The following GPR39 variants were observed in gnomAD, a reference collection of about 807,000 sequenced individuals.
The protein encoded by GPR39 is G protein-coupled receptor 39, also known as zinc sensing receptor.
GPR39 carries 23 observed loss-of-function variants against 18.4 expected under a neutral mutation model. The ratio of observed to expected loss-of-function variants is 1.25; its 90% CI spans 0.90 to 1.77. GPR39 has a LOEUF of 1.77. Ranked by LOEUF, GPR39 falls within the 40% of genes most tolerant of loss-of-function variation. GPR39 has a pLI of 0.00. For missense variants in GPR39, 647 were observed against 602.4 expected (o/e 1.07, Z -0.78); for synonymous variants, 280 against 257.9 (o/e 1.09, Z -0.82).
intron 1 of GPR39, among the ~76,000 whole-genome samples, chr2:132,595,333 G>C (rs1680919195): frequency 6.6e-6 from 1 of 151,658 alleles, no homozygotes; most frequent in South Asian, 2.1e-4. Flanking sequence ...GACTGGCCAG[G>C]TGGGCGGTAA....
chr2:132,547,049 G>A (rs761639781), intron 1 of GPR39, among the ~76,000 whole-genome samples: 1 of 151,856 alleles, frequency 6.6e-6, no homozygotes, highest in Admixed American at 6.6e-5. Context: ...CCTATTTTCC[G>A]TTGCCTCCAG....
At chr2:132,477,801 T>C (rs1201115853) in intron 1 of GPR39, among the ~76,000 whole-genome samples, 2 of 152,224 alleles carry the variant, frequency 1.3e-5, no homozygotes, top group Non-Finnish European at 2.9e-5. Context: ...AAGTTGGTAA[T>C]TAATGAATAT....
intron 1 of GPR39, among the ~76,000 whole-genome samples, chr2:132,475,646 G>A (rs930833849): frequency 1.3e-5 from 2 of 152,024 alleles, no homozygotes; most frequent in African/African-American, 2.4e-5. Flanking sequence ...GAGACAGGTC[G>A]AGGCTGCACA....
chr2:132,619,008 G>A (rs1347061240), intron 1 of GPR39, among the ~76,000 whole-genome samples: 2 of 152,264 alleles, frequency 1.3e-5, no homozygotes, highest in African/African-American at 2.4e-5. Context: ...CCCCGAGGAC[G>A]GACCCAGTAG....
At position 132,417,276 on chromosome 2, in the gene GPR39, G is replaced by A. The variant is rs1395656165; in HGVS notation, c.234G>A (p.Ser78=). Residue 78 remains serine (S), a synonymous_variant, in exon 1 of 2, where the codon TCG becomes TCA. Coordinates refer to ENST00000329321, the MANE Select transcript of GPR39 (RefSeq NM_001508.3). ...VTDHMVSLAC[S]DILVFLIGMP... The stretch of plus-strand genomic sequence containing the variant: ...ACCACATGGTGAGTTTGGCTTGCTC[G>A]GACATCTTGGTGTTCCTCATCGGCA... The A allele has an allele frequency of 3.1e-6, 5 of 1,614,000 alleles. No homozygotes were observed. Among genetic ancestry groups the A allele is most frequent in the East Asian group, 2.2e-5 (1 of 44,872 alleles).
intron 1 of GPR39, among the ~76,000 whole-genome samples, chr2:132,432,999 A>AT (rs1218025012): frequency 6.6e-6 from 1 of 152,114 alleles, no homozygotes; most frequent in African/African-American, 2.4e-5. Context: ...CTTATACATG[A>AT]TTTTTTCCCA....
chr2:132,444,251 A>G (rs1300714254), intron 1 of GPR39, among the ~76,000 whole-genome samples: 1 of 152,186 alleles, frequency 6.6e-6, no homozygotes, highest in Non-Finnish European at 1.5e-5. Context: ...TAGTCTCACT[A>G]GCATATAGTT....
chr2:132,533,957 A>G (rs1415413422), intron 1 of GPR39, among the ~76,000 whole-genome samples: 9 of 152,246 alleles, frequency 5.9e-5, no homozygotes, highest in Non-Finnish European at 1.3e-4. Flanking sequence ...CTAAAACACC[A>G]AAAGCAATGG....
Position 132,416,922 on chromosome 2 carries a change from C to T in GPR39, c.-121C>T. On this transcript the variant is annotated 5_prime_UTR_variant, in exon 1 of 2. Transcript: ENST00000329321. ...CTAAGTTACCTTCGCGAGGAGAACT[C>T]GAGTGAGATAAAATCGTGCGCCCAC... 8.0e-7 allele frequency: 1 copy of T among 1,256,548 alleles called. No homozygotes were observed. Among genetic ancestry groups the T allele is most frequent in the Non-Finnish European group, 1.1e-6 (1 of 904,092 alleles). The allele number at this position is 1,256,548 out of a possible 1,614,324, so 77.8% of individuals were successfully genotyped here.
intron 1 of GPR39, among the ~76,000 whole-genome samples, chr2:132,588,135 G>A (rs1242350032): frequency 2.6e-5 from 4 of 152,152 alleles, no homozygotes; most frequent in Admixed American, 6.5e-5. Flanking sequence ...AGGTGTTTGC[G>A]ATTGTGATGG....
chr2:132,446,075 CAG>C (rs1235588316), intron 1 of GPR39, among the ~76,000 whole-genome samples: 1 of 152,168 alleles, frequency 6.6e-6, no homozygotes, highest in African/African-American at 2.4e-5. Flanking sequence ...CTTGAAATAA[CAG>C]AGAAAGAACT....
At chr2:132,607,832 C>T (rs751003210) in intron 1 of GPR39, among the ~76,000 whole-genome samples, 1 of 152,172 alleles carries the variant, frequency 6.6e-6, no homozygotes, top group Admixed American at 6.5e-5. Context: ...TAATTTTACG[C>T]TCTTGGCAGG....
At chr2:132,534,600 C>T (rs1417040151) in intron 1 of GPR39, among the ~76,000 whole-genome samples, 7 of 151,238 alleles carry the variant, frequency 4.6e-5, no homozygotes, top group Non-Finnish European at 8.8e-5. Flanking sequence ...AAATGTCCAA[C>T]AATGATAGAC....
chr2:132,547,276 C>T (rs1394642318), intron 1 of GPR39, among the ~76,000 whole-genome samples: 1 of 152,122 alleles, frequency 6.6e-6, no homozygotes, highest in Admixed American at 6.5e-5. Context: ...AAAATGGGTT[C>T]CATACATCCA....
At chr2:132,552,833 C>CATAT (rs57116386) in intron 1 of GPR39, among the ~76,000 whole-genome samples, 1 of 139,886 alleles carries the variant, frequency 7.1e-6, no homozygotes, top group Non-Finnish European at 1.5e-5. Context: ...TATATATATA[C>CATAT]ATATATATAT....
chr2:132,460,960 A>C (rs1241968827), intron 1 of GPR39, among the ~76,000 whole-genome samples: 1 of 152,148 alleles, frequency 6.6e-6, no homozygotes, highest in East Asian at 1.9e-4. Flanking sequence ...CCAGGATTTT[A>C]CATACTTGGC....
At chr2:132,581,522 A>G (rs946248323) in intron 1 of GPR39, among the ~76,000 whole-genome samples, 3 of 152,004 alleles carry the variant, frequency 2.0e-5, no homozygotes, top group African/African-American at 4.8e-5. Context: ...CCTTCCCTAC[A>G]TTTCTCTATT....
At chr2:132,509,365 G>A (rs1679197139) in intron 1 of GPR39, among the ~76,000 whole-genome samples, 1 of 152,096 alleles carries the variant, frequency 6.6e-6, no homozygotes, top group Admixed American at 6.5e-5. Context: ...ATAACCCAAG[G>A]ATAACCACTT....
chr2:132,436,439 C>A (rs1172793500), intron 1 of GPR39, among the ~76,000 whole-genome samples: 2 of 152,170 alleles, frequency 1.3e-5, no homozygotes, highest in Admixed American at 6.5e-5. Flanking sequence ...ACCATGGTAA[C>A]CAATTGTCCC....
Sources: gnomAD v4.1 joint callset for allele counts (sites outside exome capture counted in the v4.1 genomes callset) on GRCh38, gnomAD v4.1.1 for gene constraint, MANE v1.5 for transcripts, NCBI Gene and HGNC (gene_info 2026-07-23, HGNC 2026-07-21) for gene names.